PAM: variants seen among roughly 807,000 people sequenced by gnomAD.
PAM encodes peptidylglycine alpha-amidating monooxygenase, also known as peptidyl-glycine alpha-amidating monooxygenase.
Under a neutral mutation model 122.1 loss-of-function variants are expected in PAM, and 72 were observed. That is an observed-to-expected ratio of 0.59 (90% CI 0.49 to 0.72). The LOEUF is 0.72. Ranked by LOEUF, PAM falls within the 30% of genes least tolerant of loss-of-function variation. The pLI, the probability that PAM is intolerant of heterozygous loss-of-function variation, is 0.00. For synonymous variants in PAM, 389 were observed against 404.4 expected, an observed-to-expected ratio of 0.96 and a Z score of 0.46; for missense variants, 1,106 against 1,183.7, an observed-to-expected ratio of 0.93 and a Z score of 0.96.
chr5:102,935,935 C>T lies in PAM; in HGVS notation c.526+9267C>T, dbSNP rs112052420. Among the ~76,000 whole-genome samples, 773 of 152,234 alleles carry T rather than the reference C, an allele frequency of 5.1e-3. 7 individuals carry two copies. The highest frequency in any genetic ancestry group is 0.018 in the African/African-American group (740 of 41,536). ...TGCACAGAAGGTAGAGCATAGGCAG[C>T]CAGAGCTGGCTCAGATAGGCTCACA... On this transcript the variant is annotated intron_variant, in intron 7 of 25. Coordinates refer to ENST00000438793, the MANE Select transcript of PAM (RefSeq NM_001177306.2).
At chr5:103,014,127 C>T (rs1781371905) in intron 21 of PAM, among the ~76,000 whole-genome samples, 1 of 152,066 alleles carries the variant, frequency 6.6e-6, no homozygotes, top group Admixed American at 6.5e-5. Context: ...CAGTTCTTTG[C>T]TTTGTATTAG....
intron 14 of PAM, among the ~76,000 whole-genome samples, chr5:102,971,008 C>T (rs1259624208): frequency 2.0e-5 from 3 of 151,954 alleles, no homozygotes; most frequent in Non-Finnish European, 4.4e-5. Context: ...GGTTTCACCA[C>T]GTAGGCCAGG....
chr5:102,842,617 C>T (rs78824723), intron 1 of PAM, among the ~76,000 whole-genome samples: 2,399 of 152,214 alleles, frequency 0.016, 57 homozygotes, highest in African/African-American at 0.055. Flanking sequence ...TGAGAATAGA[C>T]TAACACAAAT....
chr5:102,831,769 T>G (rs1033357002), intron 1 of PAM, among the ~76,000 whole-genome samples: 1 of 152,100 alleles, frequency 6.6e-6, no homozygotes, highest in Non-Finnish European at 1.5e-5. Flanking sequence ...AGAAAAAAAT[T>G]TACTACTATG....
intron 16 of PAM, among the ~76,000 whole-genome samples, chr5:102,992,994 T>A (rs1434332248): frequency 6.6e-6 from 1 of 152,112 alleles, no homozygotes; most frequent in South Asian, 2.1e-4. Flanking sequence ...CAGCTGTCTT[T>A]ATAAGTACCA....
chr5:102,953,234 T>A (rs1759551518), intron 12 of PAM, among the ~76,000 whole-genome samples: 1 of 152,196 alleles, frequency 6.6e-6, no homozygotes, highest in African/African-American at 2.4e-5. Flanking sequence ...AAGTAGAGGC[T>A]GATTTTCCCA....
intron 7 of PAM, among the ~76,000 whole-genome samples, chr5:102,942,001 T>C (rs893914170): frequency 1.3e-5 from 2 of 152,132 alleles, no homozygotes; most frequent in Non-Finnish European, 2.9e-5. Context: ...CCCATCTCTC[T>C]GCAGCAGTTT....
chr5:102,905,798 C>A (rs769535339), intron 4 of PAM, among the ~76,000 whole-genome samples: 3 of 151,696 alleles, frequency 2.0e-5, no homozygotes, highest in Non-Finnish European at 4.4e-5. Flanking sequence ...CCTTTCTCTT[C>A]TGTCTTCAAC....
At chr5:102,869,167 C>T (rs1189623858) in intron 3 of PAM, among the ~76,000 whole-genome samples, 2 of 152,116 alleles carry the variant, frequency 1.3e-5, no homozygotes, top group Admixed American at 6.5e-5. Flanking sequence ...ACACATGGAC[C>T]GTGATTGATA....
intron 1 of PAM, among the ~76,000 whole-genome samples, chr5:102,815,500 AC>A (rs1769479219): frequency 6.6e-6 from 1 of 152,108 alleles, no homozygotes; most frequent in African/African-American, 2.4e-5. Flanking sequence ...AAGTTTAAAC[AC>A]CCCCAAACCT....
chr5:103,007,773 A>T (rs1779481938), intron 20 of PAM, 116 bp downstream of exon 20: 1 of 654,548 alleles, frequency 1.5e-6, no homozygotes, highest in South Asian at 1.9e-5. Flanking sequence ...TTCACATCTT[A>T]AAAGTATCTT....
chr5:102,937,015 G>GGGAGC (rs1753489753), intron 7 of PAM, among the ~76,000 whole-genome samples: 1 of 152,054 alleles, frequency 6.6e-6, no homozygotes, highest in Non-Finnish European at 1.5e-5. Context: ...TTAAGAAAAG[G>GGGAGC]GGAGCTTTGA....
intron 21 of PAM, among the ~76,000 whole-genome samples, chr5:103,016,627 A>G (rs77105388): frequency 0.012 from 1,860 of 152,320 alleles, 20 homozygotes; most frequent in Middle Eastern, 0.024. Flanking sequence ...GGAGATGACA[A>G]TGATTTGAAA....
intron 16 of PAM, among the ~76,000 whole-genome samples, chr5:102,994,032 G>T (rs774031747): frequency 4.6e-5 from 7 of 152,050 alleles, no homozygotes; most frequent in Non-Finnish European, 1.0e-4. Flanking sequence ...AGCTCAAAAT[G>T]TTGGGTCAAC....
chr5:102,758,296 T>C (rs694832), intron 1 of PAM, among the ~76,000 whole-genome samples: 71,609 of 151,494 alleles, frequency 0.47, 17,405 homozygotes, highest in African/African-American at 0.58. Flanking sequence ...GAGGCTTTGA[T>C]TGGACTCTCA....
Position 103,009,845 on chromosome 5 carries a change from C to A in PAM, c.2310C>A (p.Asp770Glu), listed in dbSNP as rs756154455. Residue 770 changes from aspartate (D) to glutamate (E), a missense_variant, in exon 21 of 26, where the codon GAC becomes GAA. Physicochemically the swap from Asp to Glu is conservative, Grantham distance 45. Around this residue, in one of 3 missense-constraint regions of PAM, gnomAD observed 333 missense variants for 335.6 expected, o/e 0.99. Coordinates refer to ENST00000438793, the MANE Select transcript of PAM (RefSeq NM_001177306.2). ...ACTTTTCCAATGGGGAAATTATAGA[C>A]ATCTTCAAGCCAGTGCGCAAGGTAT... ...VMNFSNGEII[D>E]IFKPVRKHFD... is the part of the protein sequence containing the mutation. The A allele has an allele frequency of 5.0e-6, 8 of 1,598,732 alleles. No individual in the cohort carries two copies. In the Middle Eastern group the frequency reaches 1.0e-3, roughly 200 times the overall value.
At position 102,935,049 on chromosome 5, in the gene PAM, A is replaced by T. The variant is rs575519776; in HGVS notation, c.526+8381A>T. Among the ~76,000 whole-genome samples the T allele has an allele frequency of 9.2e-5, 14 of 152,258 alleles. No individual in the cohort carries two copies. The East Asian group carries it at 2.7e-3, about 29-fold the overall frequency. On this transcript the variant is annotated intron_variant, in intron 7 of 25. Coordinates refer to ENST00000438793, the MANE Select transcript of PAM (RefSeq NM_001177306.2). ...AACTTTATTTTTCCTCTTTTGGAAA[A>T]TATAGAAAATTATTAAAAAGAAAAG...
chr5:102,916,943 G>A (rs1402300991), intron 5 of PAM, among the ~76,000 whole-genome samples: 2 of 151,804 alleles, frequency 1.3e-5, no homozygotes, highest in African/African-American at 2.4e-5. Context: ...ATGTTGGCCA[G>A]GCTGGTCTCG....
intron 12 of PAM, among the ~76,000 whole-genome samples, chr5:102,955,505 C>T (rs543800432): frequency 6.6e-6 from 1 of 152,150 alleles, no homozygotes; most frequent in African/African-American, 2.4e-5. Flanking sequence ...TCATTCAACA[C>T]ATATTTATCA....
Sources: gnomAD v4.1 joint callset for allele counts (sites outside exome capture counted in the v4.1 genomes callset) on GRCh38, gnomAD v4.1.1 for gene constraint, gnomAD v4.1.1 regional missense constraint, MANE v1.5 for transcripts, NCBI Gene and HGNC (gene_info 2026-07-23, HGNC 2026-07-21) for gene names.